The following MYOM2 variants were observed in gnomAD, a reference collection of about 807,000 sequenced individuals.
The protein encoded by MYOM2 is myomesin 2.
MYOM2 carries 254 observed loss-of-function variants against 187.6 expected under a neutral mutation model. The ratio of observed to expected loss-of-function variants is 1.35; its 90% CI spans 1.22 to 1.50. The LOEUF (loss-of-function observed/expected upper bound fraction) is 1.50. Ranked by LOEUF, MYOM2 falls within the 40% of genes most tolerant of loss-of-function variation. The probability of loss-of-function intolerance (pLI) is 0.00; values close to 1 mark genes in which losing one functional copy is unlikely to be tolerated. For synonymous variants in MYOM2, 981 were observed against 753.8 expected, an observed-to-expected ratio of 1.30 and a Z score of -4.94; for missense variants, 2,796 against 1,924.0, an observed-to-expected ratio of 1.45 and a Z score of -8.48.
In MYOM2 at chr8:2,045,341, C is replaced by T. The variant is rs188058954; in HGVS notation, c.-13+173C>T. ...AAAACAGAGCAATTAGTTCTGGGAT[C>T]TGTATTTCTTTGACGAGGTTTTATG... On this transcript the variant is annotated intron_variant, in intron 1 of 36. Transcript: ENST00000262113. 2.4e-4 allele frequency among the ~76,000 whole-genome samples: 37 copies of T among 152,324 alleles called. 1 individual carries two copies. Among genetic ancestry groups the T allele is most frequent in the Non-Finnish European group, 4.9e-4 (33 of 68,028 alleles).
rs117606765 is a variant in MYOM2 at position 2,047,205 on chromosome 8, C to T, written c.-13+2037C>T. Reference sequence around the variant, plus strand: ...TCCCTCCACTCAGAAGGGCCCTGTGCTGCCAGGGCTGCAGGCACCCAGCAC... The same window carrying T: ...TCCCTCCACTCAGAAGGGCCCTGTGTTGCCAGGGCTGCAGGCACCCAGCAC... On this transcript the variant is annotated intron_variant, in intron 1 of 36. Coordinates refer to ENST00000262113, the MANE Select transcript of MYOM2 (RefSeq NM_003970.4). Among the ~76,000 whole-genome samples, 515 of 152,298 alleles carry T rather than the reference C, an allele frequency of 3.4e-3. 3 individuals are homozygous for T. Among genetic ancestry groups the T allele is most frequent in the Non-Finnish European group, 5.3e-3 (361 of 68,026 alleles).
chr8:2,068,444 A>T (rs1466540192), intron 6 of MYOM2, among the ~76,000 whole-genome samples: 1 of 149,680 alleles, frequency 6.7e-6, no homozygotes, highest in African/African-American at 2.5e-5. Context: ...CAGCTCTTCA[A>T]TGCCCGTGTG....
chr8:2,123,206 G>T (rs1797516458), intron 28 of MYOM2, 46 bp from the exon 29 acceptor site: 10 of 1,254,406 alleles, frequency 8.0e-6, no homozygotes, highest in African/African-American at 1.5e-5. Flanking sequence ...TTTTTCTCAT[G>T]AGTCAGAATG....
chr8:2,109,902 C>A (rs1402395915), intron 25 of MYOM2, among the ~76,000 whole-genome samples: 3 of 152,082 alleles, frequency 2.0e-5, no homozygotes, highest in Non-Finnish European at 4.4e-5. Flanking sequence ...GAGAGGCCTC[C>A]CTGCATTCTC....
Position 2,050,747 on chromosome 8 carries a change from C to G in MYOM2, c.-12-8C>G, listed in dbSNP as rs781262425. The G allele has an allele frequency of 3.2e-6, 5 of 1,568,038 alleles. No homozygotes were observed. The highest frequency in any genetic ancestry group is 1.4e-5 in the African/African-American group (1 of 73,982). ...GGAGCTCAGTGTTGTGTGTGACTCT[C>G]TTTGTAGGAGCACGCCAAGATGTCC... is the stretch of plus-strand genomic sequence containing the variant. On this transcript the variant is annotated splice_region_variant and splice_polypyrimidine_tract_variant and intron_variant, in intron 1 of 36. Coordinates refer to ENST00000262113, the MANE Select transcript of MYOM2 (RefSeq NM_003970.4).
intron 32 of MYOM2, among the ~76,000 whole-genome samples, chr8:2,138,604 A>G (rs1798163849): frequency 6.6e-6 from 1 of 152,198 alleles, no homozygotes; most frequent in Non-Finnish European, 1.5e-5. Context: ...GTTTAGATAG[A>G]ACCAAAGTGC....
Position 2,101,038 on chromosome 8 carries a change from C to A in MYOM2, c.2603C>A (p.Ala868Asp). ...EWITVNQTTT[A>D]SRYLKVSDLQ... is the part of the protein sequence containing the mutation. The stretch of plus-strand genomic sequence containing the variant: ...ATCACTGTCAATCAGACGACAACAG[C>A]CAGCCGTTATTTAAAGGTAAGTCTT... The change falls in exon 20 of 37, where the codon GCC (alanine) becomes GAC (aspartate). Residue 868 changes from alanine (A) to aspartate (D), a missense_variant. Physicochemically the swap from Ala to Asp is moderately radical, Grantham distance 126 (BLOSUM62 -2). Coordinates refer to ENST00000262113, the MANE Select transcript of MYOM2 (RefSeq NM_003970.4). 1 of 1,614,100 alleles carries A rather than the reference C, an allele frequency of 6.2e-7. No homozygotes were observed. The highest frequency in any genetic ancestry group is 1.1e-5 in the South Asian group (1 of 91,074).
At position 2,057,791 on chromosome 8, in the gene MYOM2, C is replaced by G. The variant is rs770028833; in HGVS notation, c.560+11C>G. On this transcript the variant is annotated intron_variant, in intron 5 of 36. Transcript: ENST00000262113. ...GCCCGTGGTGCAGTGGTGAGGGGCT[C>G]TGTTCCCAGGGGGTGAAGAAGTCCA... 3.1e-6 allele frequency: 5 copies of G among 1,612,488 alleles called. No homozygotes were observed. Among genetic ancestry groups the G allele is most frequent in the Admixed American group, 1.7e-5 (1 of 59,890 alleles).
intron 14 of MYOM2, among the ~76,000 whole-genome samples, chr8:2,089,660 A>G (rs997822110): frequency 1.3e-5 from 2 of 152,236 alleles, no homozygotes; most frequent in African/African-American, 4.8e-5. Flanking sequence ...AATTTTATGA[A>G]TATACTTCTA....
intron 3 of MYOM2, among the ~76,000 whole-genome samples, chr8:2,056,624 A>G (rs1458528257): frequency 1.3e-5 from 2 of 152,170 alleles, no homozygotes; most frequent in African/African-American, 4.8e-5. Flanking sequence ...TAAACTCAAA[A>G]TACTTTAATT....
At chr8:2,096,906 C>T (rs558413731) in intron 18 of MYOM2, among the ~76,000 whole-genome samples, 102 of 152,336 alleles carry the variant, frequency 6.7e-4, no homozygotes, top group African/African-American at 2.4e-3. Context: ...CTCAGTGCCC[C>T]TGGTGCTCAG....
At chr8:2,092,652 A>C in intron 16 of MYOM2, 132 bp downstream of exon 16, 1 of 887,210 alleles carries the variant, frequency 1.1e-6, no homozygotes, top group Non-Finnish European at 1.6e-6. Flanking sequence ...TTAGCCACAC[A>C]CAAGGGCTGT....
intron 6 of MYOM2, among the ~76,000 whole-genome samples, chr8:2,059,742 CTTTT>C (rs60345808): frequency 7.6e-6 from 1 of 131,146 alleles, no homozygotes; most frequent in Non-Finnish European, 1.6e-5. Context: ...GACACACACA[CTTTT>C]TTTTTTTTTT....
chr8:2,085,300 C>T lies in MYOM2; in HGVS notation c.1554C>T (p.His518=), dbSNP rs146479506. 319 of 1,614,162 alleles carry T rather than the reference C, an allele frequency of 2.0e-4. No individual in the cohort carries two copies. Among genetic ancestry groups the T allele is most frequent in the African/African-American group, 3.9e-4 (29 of 75,038 alleles). ...TTCCAGGGCCTCCCACCGGTGTGCA[C>T]GCTTCCGAGATCAGCAGAAACTATG... ...AQVPGPPTGV[H]ASEISRNYVV... Residue 518 remains histidine, a synonymous_variant, in exon 14 of 37, where the codon CAC becomes CAT. Transcript: ENST00000262113.
intron 25 of MYOM2, among the ~76,000 whole-genome samples, chr8:2,110,954 C>T (rs147241394): frequency 6.6e-6 from 1 of 152,204 alleles, no homozygotes; most frequent in East Asian, 1.9e-4. Context: ...AAGTAGAAAA[C>T]ATCTAGCTTC....
intron 4 of MYOM2, 62 bp downstream of exon 4, chr8:2,057,548 C>T (rs965837261): frequency 1.2e-6 from 2 of 1,612,890 alleles, no homozygotes; most frequent in Admixed American, 1.7e-5. Flanking sequence ...AGCTTGTCTG[C>T]ATGGTGCTTG....
rs753590793 is a variant in MYOM2, at chr8:2,109,357, C to T, written c.3044-38C>T. The T allele has an allele frequency of 7.0e-6, 11 of 1,561,878 alleles. No individual in the cohort carries two copies. The African/African-American group carries it at 9.7e-5, about 14-fold the overall frequency. On this transcript the variant is annotated intron_variant, in intron 24 of 36. Coordinates refer to ENST00000262113, the MANE Select transcript of MYOM2 (RefSeq NM_003970.4). Reference sequence around the variant, plus strand: ...GCAGGTATTCTTCCTCACAAGGATTCATGCATTATTGACTTGCGATTTCTT... The same window carrying T: ...GCAGGTATTCTTCCTCACAAGGATTTATGCATTATTGACTTGCGATTTCTT...
chr8:2,064,991 G>A (rs1733276062), intron 6 of MYOM2, among the ~76,000 whole-genome samples: 1 of 152,206 alleles, frequency 6.6e-6, no homozygotes, highest in African/African-American at 2.4e-5. Flanking sequence ...AGGCCAGAAG[G>A]AATCATCTTT....
chr8:2,073,555 G>A, intron 10 of MYOM2, 55 bp downstream of exon 10: 1 of 1,528,062 alleles, frequency 6.5e-7, no homozygotes, highest in South Asian at 1.2e-5. Context: ...GGGGAGGGGA[G>A]GCAGCCCTGG....
Sources: allele counts gnomAD v4.1 joint callset (sites outside exome capture counted in the v4.1 genomes callset), GRCh38; gene constraint gnomAD v4.1.1; transcripts MANE v1.5; gene names NCBI Gene and HGNC (gene_info 2026-07-23, HGNC 2026-07-21).